FHAD1: variants seen among roughly 807,000 people sequenced by gnomAD.
FHAD1 encodes forkhead associated phosphopeptide binding domain 1, also known as forkhead-associated domain-containing protein 1.
A neutral mutation model predicts 191.3 loss-of-function variants in FHAD1; 146 were observed. That is an observed-to-expected ratio of 0.76 (90% CI 0.67 to 0.88). The LOEUF (loss-of-function observed/expected upper bound fraction) is 0.88, where lower values mean the gene tolerates loss of function less well. FHAD1 is among the 40% of genes least tolerant of loss of function. FHAD1 has a pLI of 0.00. For synonymous variants in FHAD1, 616 were observed against 672.3 expected (o/e 0.92, Z 1.29); for missense variants, 1,635 against 1,785.8 (o/e 0.92, Z 1.52).
chr1:15,327,118 G>T lies in FHAD1; in HGVS notation c.1533G>T (p.Arg511=). The stretch of plus-strand genomic sequence containing the variant: ...CCTATGGACGGGCGAAGCCGTTCCG[G>T]GACAAGCCCGTCACCGACCAACAGG... ...KATYGRAKPF[R]DKPVTDQQLI... is the part of the protein sequence containing the mutation. The change falls in exon 12 of 34, where the codon CGG becomes CGT. Residue 511 remains arginine, a synonymous_variant. Coordinates refer to ENST00000688493, the MANE Select transcript of FHAD1 (RefSeq NM_001391957.1). This position sits in a 1 kb window ranked among gnomAD's most constrained non-coding sequence, Gnocchi z 5.1. The T allele has an allele frequency of 6.4e-7, 1 of 1,551,296 alleles. No homozygotes were observed. The highest frequency in any genetic ancestry group is 8.7e-7 in the Non-Finnish European group (1 of 1,146,818).
rs182132975 is a variant in FHAD1, at chr1:15,296,400, C to T, written c.569-284C>T. Among the ~76,000 whole-genome samples the T allele has an allele frequency of 2.0e-5, 3 of 152,064 alleles. No homozygotes were observed. The East Asian group carries it at 5.8e-4, about 29-fold the overall frequency. On this transcript the variant is annotated intron_variant, in intron 4 of 33. Transcript: ENST00000688493. Reference sequence around the variant, plus strand: ...TCCCGAGTAGCTGGGACTATAGGCGCCCGCCACCACACCTGGCTAATTTTT... The same window carrying T: ...TCCCGAGTAGCTGGGACTATAGGCGTCCGCCACCACACCTGGCTAATTTTT...
intron 4 of FHAD1, among the ~76,000 whole-genome samples, chr1:15,296,205 C>T (rs971931562): frequency 4.6e-5 from 7 of 151,516 alleles, no homozygotes; most frequent in Admixed American, 6.6e-5. Flanking sequence ...CTAGTACTTC[C>T]GTGATGCTTT....
At chr1:15,237,212 T>C (rs1283242782) in intron 1 of FHAD1, among the ~76,000 whole-genome samples, 1 of 152,180 alleles carries the variant, frequency 6.6e-6, no homozygotes, top group Non-Finnish European at 1.5e-5. Context: ...AAAGAGGCTG[T>C]ATCCTCCATC....
Position 15,325,243 on chromosome 1 carries a change from A to C in FHAD1, c.1473+684A>C, listed in dbSNP as rs1677981155. On this transcript the variant is annotated intron_variant, in intron 11 of 33. Transcript: ENST00000688493. This position sits in a 1 kb window ranked among gnomAD's most constrained non-coding sequence, Gnocchi z 4.6. Reference sequence around the variant, plus strand: ...GAATGTGGTCCCCCAGGGGCAGCCCACCCTAGATTCCTCCACAGGGGTCCC... The same window carrying C: ...GAATGTGGTCCCCCAGGGGCAGCCCCCCCTAGATTCCTCCACAGGGGTCCC... 1 of 152,238 alleles carries C rather than the reference A, an allele frequency of 6.6e-6. No individual in the cohort carries two copies. The highest frequency in any genetic ancestry group is 1.5e-5 in the Non-Finnish European group (1 of 68,228). The allele number at this position is 152,238 out of a possible 1,614,324, so 9.4% of individuals were successfully genotyped here.
At chr1:15,244,792 A>T (rs1440654587), upstream of FHAD1, among the ~76,000 whole-genome samples, 3 of 134,172 alleles carry the variant, frequency 2.2e-5, no homozygotes, top group Non-Finnish European at 4.7e-5. The surrounding 1 kb of genome is among the most constrained non-coding windows in gnomAD (Gnocchi z 5.1). Context: ...ACATAAATAA[A>T]TAAAGAAATA....
intron 6 of FHAD1, 22 bp downstream of exon 6, chr1:15,301,463 C>A: frequency 6.5e-7 from 1 of 1,544,380 alleles, no homozygotes. Context: ...CTGAGAGGTA[C>A]AGCACAGCTC....
At chr1:15,334,342 A>G (rs899636516) in intron 14 of FHAD1, 1 of 145,898 alleles carries the variant, frequency 6.9e-6, no homozygotes, top group African/African-American at 2.6e-5. Flanking sequence ...CCCAGTCCCT[A>G]GAGAATGGGT....
At chr1:15,347,738 C>G (rs554954467) in intron 18 of FHAD1, among the ~76,000 whole-genome samples, 2 of 152,204 alleles carry the variant, frequency 1.3e-5, no homozygotes, top group Non-Finnish European at 2.9e-5. Context: ...CGTGAGCCAC[C>G]GCTCCCGGCC....
Position 15,380,745 on chromosome 1 carries a change from G to A in FHAD1, c.3750G>A (p.Glu1250=). The change falls in exon 29 of 34, where the codon GAG becomes GAA. Residue 1250 remains glutamate, a synonymous_variant. Transcript: ENST00000688493. ...ACGCAAGGTTCGGCTCAGCCATGGA[G>A]AAGTCAGGGAAGATGGATGTGGCTG... ...LCNARFGSAM[E]KSGKMDVAEA... The A allele has an allele frequency of 6.4e-7, 1 of 1,551,762 alleles. No individual in the cohort carries two copies. The highest frequency in any genetic ancestry group is 8.7e-7 in the Non-Finnish European group (1 of 1,147,004).
intron 6 of FHAD1, among the ~76,000 whole-genome samples, chr1:15,303,534 T>G (rs1171298482): frequency 6.6e-6 from 1 of 152,212 alleles, no homozygotes; most frequent in African/African-American, 2.4e-5. Flanking sequence ...AATTTATCTT[T>G]CACCGTGAAA....
In FHAD1 at chr1:15,323,063, C is replaced by A. The variant is rs920653260; in HGVS notation, c.1366-1389C>A. On this transcript the variant is annotated intron_variant, in intron 10 of 33. Coordinates refer to ENST00000688493, the MANE Select transcript of FHAD1 (RefSeq NM_001391957.1). ...GACTTATTCACCATCAGGAGAACAG[C>A]ACGGGAAAGTCCGGCCCCCATGATT... Among the ~76,000 whole-genome samples, 19 of 152,166 alleles carry A rather than the reference C, an allele frequency of 1.2e-4. 1 individual carries two copies. Among genetic ancestry groups the A allele is most frequent in the African/African-American group, 4.6e-4 (19 of 41,430 alleles).
At chr1:15,262,557 CACA>C (rs750887097) in intron 2 of FHAD1, among the ~76,000 whole-genome samples, 14 of 152,224 alleles carry the variant, frequency 9.2e-5, no homozygotes, top group Non-Finnish European at 2.1e-4. Context: ...AGGTGTGAGC[CACA>C]ACATGTATTT....
Position 15,308,607 on chromosome 1 carries a change from C to T in FHAD1, c.916-6C>T. 6.4e-7 allele frequency: 1 copy of T among 1,551,696 alleles called. No homozygotes were observed. Among genetic ancestry groups the T allele is most frequent in the Non-Finnish European group, 8.7e-7 (1 of 1,146,974 alleles). On this transcript the variant is annotated splice_polypyrimidine_tract_variant and splice_region_variant and intron_variant, in intron 6 of 33. Coordinates refer to ENST00000688493, the MANE Select transcript of FHAD1 (RefSeq NM_001391957.1). ...CCCCCTCTGACTGTGCCACCTCCTC[C>T]CACAGATCAGTGCCCTACAGAAAGG... is the stretch of plus-strand genomic sequence containing the variant.
chr1:15,327,193 C>A lies in FHAD1; in HGVS notation c.1557+51C>A, dbSNP rs1367448240. The A allele has an allele frequency of 1.6e-6, 2 of 1,251,322 alleles. No individual in the cohort carries two copies. The highest frequency in any genetic ancestry group is 2.3e-6 in the Non-Finnish European group (2 of 878,578). 77.5% of individuals were successfully genotyped at this position (1,251,322 alleles called of 1,614,324 possible). On this transcript the variant is annotated intron_variant, in intron 12 of 33. Coordinates refer to ENST00000688493, the MANE Select transcript of FHAD1 (RefSeq NM_001391957.1). This position sits in a 1 kb window ranked among gnomAD's most constrained non-coding sequence, Gnocchi z 5.1. ...GCTCCTTCACTTTCCTCTTCTTCTTCTTCGTGGATCTGGATTCCAGACCCT... is the reference window on the plus strand; with the variant it reads ...GCTCCTTCACTTTCCTCTTCTTCTTATTCGTGGATCTGGATTCCAGACCCT...
intron 1 of FHAD1, among the ~76,000 whole-genome samples, chr1:15,247,861 T>C (rs1276729357): frequency 2.0e-5 from 3 of 152,222 alleles, no homozygotes; most frequent in African/African-American, 7.2e-5. Flanking sequence ...TTGTGACCTA[T>C]AAGCAGGGAG....
Position 15,262,768 on chromosome 1 carries a change from C to A in FHAD1, c.94-9555C>A, listed in dbSNP as rs142911803. On this transcript the variant is annotated intron_variant, in intron 2 of 33. Transcript: ENST00000688493. ...AATGTGAATAATGCTGCTAGGAACA[C>A]GACTGTACAAATGTCTCTTTGAGAC... Among the ~76,000 whole-genome samples the A allele has an allele frequency of 9.4e-4, 143 of 152,300 alleles. 1 individual carries two copies. Among genetic ancestry groups the A allele is most frequent in the African/African-American group, 3.3e-3 (137 of 41,552 alleles).
intron 31 of FHAD1, chr1:15,383,310 C>G: frequency 2.2e-6 from 1 of 454,904 alleles, no homozygotes; most frequent in Non-Finnish European, 4.5e-6. Flanking sequence ...CTCTGAAGCA[C>G]CTGCCCAGGG....
At chr1:15,374,720 T>A (rs1699070145) in intron 27 of FHAD1, 89 bp downstream of exon 27, 1 of 1,483,856 alleles carries the variant, frequency 6.7e-7, no homozygotes, top group Admixed American at 2.1e-5. Context: ...TACCATGTTT[T>A]ATCTGCATCA....
Position 15,338,684 on chromosome 1 carries a change from C to T in FHAD1, c.1907-797C>T, listed in dbSNP as rs1333911967. On this transcript the variant is annotated intron_variant, in intron 14 of 33. Transcript: ENST00000688493. ...TCTCTGAATTCTGCCCACCCAACAG[C>T]ATCCACACCCAGTAGTTCTTCAACC... 8.5e-5 allele frequency among the ~76,000 whole-genome samples: 13 copies of T among 152,260 alleles called. 1 individual carries two copies. The East Asian group carries it at 2.3e-3, about 27-fold the overall frequency.
Sources: allele counts gnomAD v4.1 joint callset (sites outside exome capture counted in the v4.1 genomes callset), GRCh38; gene constraint gnomAD v4.1.1; non-coding constraint Gnocchi (gnomAD v3.1); transcripts MANE v1.5; gene names NCBI Gene and HGNC (gene_info 2026-07-23, HGNC 2026-07-21).